The following BNIP2 variants were observed in gnomAD, a reference collection of about 807,000 sequenced individuals.
BNIP2 encodes BCL2 interacting protein 2, also known as BCL2/adenovirus E1B 19 kDa protein-interacting protein 2.
A neutral mutation model predicts 43.4 loss-of-function variants in BNIP2; 36 were observed. The observed-to-expected ratio is 0.83, with a 90% CI of 0.64 to 1.10. The LOEUF (loss-of-function observed/expected upper bound fraction) is 1.10. Among genes scored for constraint, BNIP2 ranks in the 50% least tolerant of loss-of-function variants. BNIP2 has a pLI of 0.00. For synonymous variants in BNIP2, 146 were observed against 121.0 expected, an observed-to-expected ratio of 1.21 and a Z score of -1.35; for missense variants, 417 against 374.1, an observed-to-expected ratio of 1.11 and a Z score of -0.95.
At chr15:59,678,362 T>G (rs921891601) in intron 4 of BNIP2, 15 of 1,149,448 alleles carry the variant, frequency 1.3e-5, no homozygotes, top group Non-Finnish European at 1.6e-5. Flanking sequence ...AAAATATAAT[T>G]TGTAGAGTCA....
chr15:59,664,032 G>A lies in BNIP2; in HGVS notation c.*37C>T, dbSNP rs1253028047. ...ATGCAGAAACAGCACTGCTCCATCA[G>A]CACATTCTTCAGTCTTGTTTGGACT... On this transcript the variant is annotated 3_prime_UTR_variant, in exon 10 of 10. Transcript: ENST00000607373. 5 of 1,480,126 alleles carry A rather than the reference G, an allele frequency of 3.4e-6. No homozygotes were observed. The highest frequency in any genetic ancestry group is 4.6e-6 in the Non-Finnish European group (5 of 1,096,412). The allele number at this position is 1,480,126 out of a possible 1,614,324, so 91.7% of individuals were successfully genotyped here. A position where few individuals can be genotyped will look rare whatever the true frequency, so the allele number is the denominator to read the frequency against.
chr15:59,663,204 T>C lies in BNIP2; in HGVS notation c.*865A>G, dbSNP rs1364969547. 1 of 152,612 alleles carries C rather than the reference T, an allele frequency of 6.6e-6. No homozygotes were observed. Among genetic ancestry groups the C allele is most frequent in the Non-Finnish European group, 1.5e-5 (1 of 68,044 alleles). The allele number at this position is 152,612 out of a possible 1,614,324, so 9.5% of individuals were successfully genotyped here. On this transcript the variant is annotated 3_prime_UTR_variant, in exon 10 of 10. Coordinates refer to ENST00000607373, the MANE Select transcript of BNIP2 (RefSeq NM_004330.4). ...TCTGCAATACTACTCAGCACTCATA[T>C]ACACTCAGGGGAGCAATACCCTGGA...
intron 1 of BNIP2, among the ~76,000 whole-genome samples, chr15:59,685,221 C>G (rs376292300): frequency 6.6e-6 from 1 of 152,142 alleles, no homozygotes; most frequent in Non-Finnish European, 1.5e-5. Flanking sequence ...TCCTTGAGGC[C>G]GGACGTGGTG....
chr15:59,677,113 A>G, intron 5 of BNIP2: 2 of 1,606,670 alleles, frequency 1.2e-6, no homozygotes, highest in Non-Finnish European at 1.7e-6. Flanking sequence ...GGCAAGGTCA[A>G]GGATATTGTC....
intron 9 of BNIP2, among the ~76,000 whole-genome samples, chr15:59,665,697 A>G (rs745348316): frequency 1.3e-5 from 2 of 152,252 alleles, no homozygotes; most frequent in Non-Finnish European, 2.9e-5. Flanking sequence ...GCATGTGGGC[A>G]TTAGAAGGAT....
At chr15:59,678,265 T>G in intron 4 of BNIP2, 178 bp from the exon 5 acceptor site, 1 of 1,333,560 alleles carries the variant, frequency 7.5e-7, no homozygotes, top group Admixed American at 3.6e-5. Flanking sequence ...CTGTTTTATG[T>G]CTTTGGAAAT....
At chr15:59,686,953 G>A (rs1296868295) in intron 1 of BNIP2, among the ~76,000 whole-genome samples, 5 of 152,206 alleles carry the variant, frequency 3.3e-5, no homozygotes, top group Non-Finnish European at 7.3e-5. Context: ...GGAGGCAGAG[G>A]TTGCAGTGAG....
intron 5 of BNIP2, chr15:59,676,636 T>G (rs1364593331): frequency 1.8e-6 from 1 of 568,352 alleles, no homozygotes; most frequent in Admixed American, 3.2e-5. Context: ...CAAAATTACA[T>G]AATATCTCTA....
intron 9 of BNIP2, among the ~76,000 whole-genome samples, chr15:59,664,670 C>T (rs571614035): frequency 3.0e-4 from 46 of 152,146 alleles, no homozygotes; most frequent in Non-Finnish European, 4.1e-4. Flanking sequence ...CGTGAGCCAC[C>T]GTGCCCAGCC....
In BNIP2 at chr15:59,689,037, G is replaced by A. The variant is rs1027071472; in HGVS notation, c.-58+98C>T. On this transcript the variant is annotated intron_variant, in intron 1 of 9. Transcript: ENST00000607373. ...GTAACTCTCTGGGTTTCCTCTCCCC[G>A]GACGTCGTGGGCACGCGCCCGACAG... 19 of 1,456,610 alleles carry A rather than the reference G, an allele frequency of 1.3e-5. No individual in the cohort carries two copies. In the South Asian group the frequency reaches 1.7e-4, roughly 13 times the overall value. The allele number at this position is 1,456,610 out of a possible 1,614,324, so 90.2% of individuals were successfully genotyped here.
rs1036843295 is a variant in BNIP2, at chr15:59,675,882, T to C, written c.472+2029A>G. On this transcript the variant is annotated intron_variant, in intron 5 of 9. Transcript: ENST00000607373. ...AAAGAGTGCATAGGATGATTTTAGTTACTATATATGAAATTCTAGAAGAGG... is the reference window on the plus strand; with the variant it reads ...AAAGAGTGCATAGGATGATTTTAGTCACTATATATGAAATTCTAGAAGAGG... 5.3e-5 allele frequency among the ~76,000 whole-genome samples: 8 copies of C among 152,172 alleles called. 1 individual carries two copies. The highest frequency in any genetic ancestry group is 1.4e-4 in the African/African-American group (6 of 41,446).
chr15:59,677,943 A>C lies in BNIP2; in HGVS notation c.440T>G (p.Ile147Ser). 6.2e-7 allele frequency: 1 copy of C among 1,613,022 alleles called. No individual in the cohort carries two copies. Among genetic ancestry groups the C allele is most frequent in the Non-Finnish European group, 8.5e-7 (1 of 1,179,610 alleles). ...EQDHRVDMKA[I>S]EPYKKVISHG... ...GCTGATAACTTTTTTATAGGGTTCAATTGCCTTCATATCAACCCTGTGGTC... is the reference window on the plus strand; with the variant it reads ...GCTGATAACTTTTTTATAGGGTTCACTTGCCTTCATATCAACCCTGTGGTC... Residue 147 changes from isoleucine (I) to serine (S), a missense_variant, in exon 5 of 10, where the codon ATT becomes AGT. Coordinates refer to ENST00000607373, the MANE Select transcript of BNIP2 (RefSeq NM_004330.4).
chr15:59,674,693 CTG>C (rs1473788045), intron 5 of BNIP2, among the ~76,000 whole-genome samples: 7 of 152,126 alleles, frequency 4.6e-5, no homozygotes, highest in Admixed American at 6.5e-5. Flanking sequence ...GCCCTCCGTC[CTG>C]TGTTAGGAGG....
At chr15:59,684,499 A>G (rs1279484200) in intron 1 of BNIP2, among the ~76,000 whole-genome samples, 1 of 152,356 alleles carries the variant, frequency 6.6e-6, no homozygotes, top group South Asian at 2.1e-4. Flanking sequence ...AGTAGAAAGG[A>G]GCCCACAATT....
chr15:59,668,887 C>A lies in BNIP2; in HGVS notation c.893+5G>T. Reference sequence around the variant, plus strand: ...ATACAATTAAGGAAATAAAACAAAACATACTGTTTTATGCATTCTGGTATG... The same window carrying A: ...ATACAATTAAGGAAATAAAACAAAAAATACTGTTTTATGCATTCTGGTATG... On this transcript the variant is annotated splice_donor_5th_base_variant and intron_variant, in intron 9 of 9. Transcript: ENST00000607373. 6.2e-7 allele frequency: 1 copy of A among 1,606,500 alleles called. No individual in the cohort carries two copies. The highest frequency in any genetic ancestry group is 1.1e-5 in the South Asian group (1 of 90,018).
chr15:59,668,716 G>T, intron 9 of BNIP2, 176 bp downstream of exon 9: 1 of 535,818 alleles, frequency 1.9e-6, no homozygotes, highest in South Asian at 3.3e-5. Flanking sequence ...CTAACTTAGG[G>T]GGATGGTGTG....
rs1239004214 is a variant in BNIP2 at position 59,662,144 on chromosome 15, A to C, written c.*1925T>G. The C allele has an allele frequency of 6.6e-6, 1 of 152,250 alleles. No individual in the cohort carries two copies. Among genetic ancestry groups the C allele is most frequent in the Non-Finnish European group, 1.5e-5 (1 of 68,048 alleles). 9.4% of individuals were successfully genotyped at this position (152,250 alleles called of 1,614,324 possible). Reference sequence around the variant, plus strand: ...TTCTTCATATTTTTTAAACTGAAGAACCAAGTACTTAATGTGGTAGAAAAC... The same window carrying C: ...TTCTTCATATTTTTTAAACTGAAGACCCAAGTACTTAATGTGGTAGAAAAC... On this transcript the variant is annotated 3_prime_UTR_variant, in exon 10 of 10. Coordinates refer to ENST00000607373, the MANE Select transcript of BNIP2 (RefSeq NM_004330.4).
rs1892348587 is a variant in BNIP2 at position 59,662,835 on chromosome 15, T to A, written c.*1234A>T. ...TCAGATCAATCTGTTGTTTTAGAAA[T>A]AATTTTGTCGGTAATTAAACTTTTT... On this transcript the variant is annotated 3_prime_UTR_variant, in exon 10 of 10. Coordinates refer to ENST00000607373, the MANE Select transcript of BNIP2 (RefSeq NM_004330.4). 1 of 152,234 alleles carries A rather than the reference T, an allele frequency of 6.6e-6. No homozygotes were observed. The highest frequency in any genetic ancestry group is 1.5e-5 in the Non-Finnish European group (1 of 68,032). The allele number at this position is 152,234 out of a possible 1,614,324, so 9.4% of individuals were successfully genotyped here. A position where few individuals can be genotyped will look rare whatever the true frequency, so the allele number is the denominator to read the frequency against.
intron 5 of BNIP2, chr15:59,676,943 A>T: frequency 6.2e-7 from 1 of 1,612,462 alleles, no homozygotes; most frequent in East Asian, 2.2e-5. Context: ...CGAGAACAGC[A>T]TGATCCTCTC....
Sources: allele counts gnomAD v4.1 joint callset (sites outside exome capture counted in the v4.1 genomes callset), GRCh38; gene constraint gnomAD v4.1.1; transcripts MANE v1.5; gene names NCBI Gene and HGNC (gene_info 2026-07-23, HGNC 2026-07-21).